ZNF738: variants seen among roughly 807,000 people sequenced by gnomAD.
ZNF738 encodes zinc finger protein 738.
Under a neutral mutation model 9.2 loss-of-function variants are expected in ZNF738, and 10 were observed. That is an observed-to-expected ratio of 1.09 (90% CI 0.67 to 1.85). The LOEUF (loss-of-function observed/expected upper bound fraction) is 1.85, where lower values mean the gene tolerates loss of function less well. Among genes scored for constraint, ZNF738 ranks in the 40% most tolerant of loss-of-function variants. The probability of loss-of-function intolerance (pLI) is 0.00; values close to 1 mark genes in which losing one functional copy is unlikely to be tolerated. For missense variants in ZNF738, 346 were observed against 283.6 expected, an observed-to-expected ratio of 1.22 and a Z score of -1.58; for synonymous variants, 113 against 94.5, an observed-to-expected ratio of 1.20 and a Z score of -1.14.
chr19:21,362,998 T>A (rs1445658386), intron 2 of ZNF738, among the ~76,000 whole-genome samples: 1 of 152,252 alleles, frequency 6.6e-6, no homozygotes, highest in Admixed American at 6.5e-5. Context: ...TGACAGCGAA[T>A]ATCTCTGTTC....
In ZNF738 at chr19:21,375,364, G is replaced by A. The variant is rs563965601; in HGVS notation, c.223G>A (p.Gly75Ser). ...GAACTTCAGAAACCTGGTGTTCTTG[G>A]GTGAGAATAACTTTAATACACAATT... Reference protein sequence around the residue: ...LENFRNLVFLGIDVSKPDLIT... With the variant: ...LENFRNLVFLSIDVSKPDLIT... The change falls in exon 3 of 5, where the codon GGT becomes AGT. Residue 75 changes from glycine (G) to serine (S), a missense_variant and splice_region_variant. Transcript: ENST00000683779. 6 of 833,524 alleles carry A rather than the reference G, an allele frequency of 7.2e-6. No homozygotes were observed. The highest frequency in any genetic ancestry group is 7.2e-5 in the South Asian group (5 of 69,810). 51.6% of individuals were successfully genotyped at this position (833,524 alleles called of 1,614,324 possible).
In ZNF738 at chr19:21,383,048, T is replaced by C; in HGVS notation, c.502T>C (p.Leu168=). The stretch of plus-strand genomic sequence containing the variant: ...AGGTTATAATGAACTAAAAGAGTAT[T>C]TGACAACTACCCAGAGCAAAATATT... ...KEGYNELKEY[L]TTTQSKIFQC... is the part of the protein sequence containing the mutation. The change falls in exon 5 of 5, where the codon TTG becomes CTG. Residue 168 remains leucine, a synonymous_variant. Coordinates refer to ENST00000683779, the MANE Select transcript of ZNF738 (RefSeq NM_001355237.2). 1.0e-6 allele frequency: 1 copy of C among 1,000,342 alleles called. No homozygotes were observed. Among genetic ancestry groups the C allele is most frequent in the Admixed American group, 1.8e-5 (1 of 56,390 alleles). The allele number at this position is 1,000,342 out of a possible 1,614,324, so 62.0% of individuals were successfully genotyped here.
intron 4 of ZNF738, chr19:21,378,316 G>A: frequency 4.1e-6 from 1 of 244,528 alleles, no homozygotes; most frequent in Non-Finnish European, 8.0e-6. Context: ...AAAATAATGT[G>A]TTTTAATATG....
At chr19:21,376,286 T>TG (rs1973926973) in intron 4 of ZNF738, 1 of 194,954 alleles carries the variant, frequency 5.1e-6, no homozygotes, top group African/African-American at 2.4e-5. Context: ...TCCATTGTTT[T>TG]GGGGGACACA....
chr19:21,378,079 G>A, intron 4 of ZNF738: 1 of 397,362 alleles, frequency 2.5e-6, no homozygotes. Context: ...TTTCAGTCTA[G>A]TTAAAAATGA....
chr19:21,359,043 CTG>C lies in ZNF738; in HGVS notation c.-94_-93del. The stretch of plus-strand genomic sequence containing the variant: ...AACTCCGGGTCTCGTCTTCACTGCT[CTG>C]TGTCCTCTGCTCCTAGAGGCCCAGC... On this transcript the variant is annotated 5_prime_UTR_variant, in exon 1 of 5. Coordinates refer to ENST00000683779, the MANE Select transcript of ZNF738 (RefSeq NM_001355237.2). 1 of 820,800 alleles carries C rather than the reference CTG, an allele frequency of 1.2e-6. No individual in the cohort carries two copies. The highest frequency in any genetic ancestry group is 1.3e-5 in the South Asian group (1 of 75,582). 50.8% of individuals were successfully genotyped at this position (820,800 alleles called of 1,614,324 possible). A position where few individuals can be genotyped will look rare whatever the true frequency, so the allele number is the denominator to read the frequency against.
chr19:21,386,196 A>T lies in ZNF738; in HGVS notation c.*2522A>T. ...ACCTACAAACGTGAGGAATGTGGCA[A>T]AGCCTTTAATGGTCCCCTCAACTTT... is the stretch of plus-strand genomic sequence containing the variant. On this transcript the variant is annotated 3_prime_UTR_variant, in exon 5 of 5. Transcript: ENST00000683779. The T allele has an allele frequency of 6.6e-6, 2 of 300,778 alleles. No homozygotes were observed. Among genetic ancestry groups the T allele is most frequent in the Non-Finnish European group, 1.4e-5 (2 of 146,926 alleles). The allele number at this position is 300,778 out of a possible 1,614,324, so 18.6% of individuals were successfully genotyped here.
rs1308883564 is a variant in ZNF738 at position 21,366,180 on chromosome 19, T to C, written c.96+4322T>C. Among the ~76,000 whole-genome samples, 3 of 152,136 alleles carry C rather than the reference T, an allele frequency of 2.0e-5. No homozygotes were observed. The East Asian group carries it at 5.8e-4, about 29-fold the overall frequency. On this transcript the variant is annotated intron_variant, in intron 2 of 4. Coordinates refer to ENST00000683779, the MANE Select transcript of ZNF738 (RefSeq NM_001355237.2). The stretch of plus-strand genomic sequence containing the variant: ...ACACCAGCAAACAGTGCAAGACAGA[T>C]TAATCCAAAAAGAATAGCAATTAAC...
Position 21,385,742 on chromosome 19 carries a change from T to C in ZNF738, c.*2068T>C, listed in dbSNP as rs1336574385. Among the ~76,000 whole-genome samples, 1 of 151,912 alleles carries C rather than the reference T, an allele frequency of 6.6e-6. No homozygotes were observed. Among genetic ancestry groups the C allele is most frequent in the Non-Finnish European group, 1.5e-5 (1 of 67,980 alleles). Reference sequence around the variant, plus strand: ...TACTCAACCCTTACTACACATAAGGTAATTCATGCTGGAGAGATACCCTAC... The same window carrying C: ...TACTCAACCCTTACTACACATAAGGCAATTCATGCTGGAGAGATACCCTAC... On this transcript the variant is annotated 3_prime_UTR_variant, in exon 5 of 5. Coordinates refer to ENST00000683779, the MANE Select transcript of ZNF738 (RefSeq NM_001355237.2).
Position 21,383,449 on chromosome 19 carries a change from A to T in ZNF738, c.903A>T (p.Ser301=). The part of the protein sequence containing the change: ...EKCGKDFKQS[S]HLTKHKTIHA... ...GTGGCAAAGATTTTAAACAGTCCTC[A>T]CACCTTACTAAACATAAGACAATTC... Residue 301 remains serine (S), a synonymous_variant, in exon 5 of 5, where the codon TCA becomes TCT. Coordinates refer to ENST00000683779, the MANE Select transcript of ZNF738 (RefSeq NM_001355237.2). The T allele has an allele frequency of 1.8e-6, 1 of 554,684 alleles. No homozygotes were observed. Among genetic ancestry groups the T allele is most frequent in the Non-Finnish European group, 3.2e-6 (1 of 309,252 alleles). 34.4% of individuals were successfully genotyped at this position (554,684 alleles called of 1,614,324 possible). A position where few individuals can be genotyped will look rare whatever the true frequency, so the allele number is the denominator to read the frequency against.
intron 1 of ZNF738, 131 bp downstream of exon 1, chr19:21,359,274 G>C (rs1973650344): frequency 6.3e-6 from 5 of 790,652 alleles, no homozygotes; most frequent in Middle Eastern, 4.6e-4. Flanking sequence ...TCCTTGCCCA[G>C]CTCGGCCTCA....
rs138287487 is a variant in ZNF738, at chr19:21,368,069, T to C, written c.96+6211T>C. Among the ~76,000 whole-genome samples the C allele has an allele frequency of 1.5e-3, 221 of 152,362 alleles. 3 individuals carry two copies. In the East Asian group the frequency reaches 0.029, roughly 20 times the overall value. ...GAACAAACAGTTCTTTCCAGTTATA[T>C]TGCACTCTTCTGCACGCATGGGTTT... On this transcript the variant is annotated intron_variant, in intron 2 of 4. Coordinates refer to ENST00000683779, the MANE Select transcript of ZNF738 (RefSeq NM_001355237.2).
intron 4 of ZNF738, among the ~76,000 whole-genome samples, chr19:21,381,039 A>T (rs1180749051): frequency 6.6e-6 from 1 of 152,172 alleles, no homozygotes; most frequent in East Asian, 1.9e-4. Flanking sequence ...CTGTCCCCTA[A>T]TGAGAATACA....
Position 21,383,044 on chromosome 19 carries a change from G to C in ZNF738, c.498G>C (p.Glu166Asp). The C allele has an allele frequency of 1.1e-6, 1 of 910,310 alleles. No individual in the cohort carries two copies. The highest frequency in any genetic ancestry group is 1.8e-6 in the Non-Finnish European group (1 of 558,642). The allele number at this position is 910,310 out of a possible 1,614,324, so 56.4% of individuals were successfully genotyped here. ...AAGAAGGTTATAATGAACTAAAAGA[G>C]TATTTGACAACTACCCAGAGCAAAA... ...VQKEGYNELK[E>D]YLTTTQSKIF... The change falls in exon 5 of 5, where the codon GAG (glutamate) becomes GAC (aspartate). Residue 166 changes from glutamate to aspartate, a missense_variant. Physicochemically the swap from Glu to Asp is conservative, Grantham distance 45. Coordinates refer to ENST00000683779, the MANE Select transcript of ZNF738 (RefSeq NM_001355237.2).
At chr19:21,374,659 A>G (rs2562438) in intron 2 of ZNF738, among the ~76,000 whole-genome samples, 144,736 of 152,136 alleles carry the variant, frequency 0.95, 69,111 homozygotes, top group Middle Eastern at 1. Flanking sequence ...GTCTATCTTT[A>G]GAAAATGAAG....
At chr19:21,370,037 C>A (rs776246850) in intron 2 of ZNF738, among the ~76,000 whole-genome samples, 2 of 152,182 alleles carry the variant, frequency 1.3e-5, no homozygotes, top group Non-Finnish European at 2.9e-5. Context: ...TGGTCTTGAA[C>A]TCCTGACCTC....
chr19:21,362,960 A>C (rs529681275), intron 2 of ZNF738, among the ~76,000 whole-genome samples: 1 of 152,302 alleles, frequency 6.6e-6, no homozygotes, highest in South Asian at 2.1e-4. Flanking sequence ...TGAAAACATC[A>C]GTTCCTTTTT....
At chr19:21,361,170 T>C (rs1331582247) in intron 1 of ZNF738, among the ~76,000 whole-genome samples, 1 of 151,348 alleles carries the variant, frequency 6.6e-6, no homozygotes, top group Non-Finnish European at 1.5e-5. Flanking sequence ...GGAGTTTTGC[T>C]CTTGTTGCCC....
chr19:21,387,050 A>G lies in ZNF738; in HGVS notation c.*3376A>G, dbSNP rs1401954078. Reference sequence around the variant, plus strand: ...ACACATAAGATAATTCATACTGGAAAGAAACTCCACAAACCAGAAAGATGC... The same window carrying G: ...ACACATAAGATAATTCATACTGGAAGGAAACTCCACAAACCAGAAAGATGC... On this transcript the variant is annotated 3_prime_UTR_variant, in exon 5 of 5. Transcript: ENST00000683779. The G allele has an allele frequency of 2.0e-5, 3 of 152,664 alleles. No homozygotes were observed. Among genetic ancestry groups the G allele is most frequent in the African/African-American group, 7.2e-5 (3 of 41,382 alleles). 9.5% of individuals were successfully genotyped at this position (152,664 alleles called of 1,614,324 possible). A position where few individuals can be genotyped will look rare whatever the true frequency, so the allele number is the denominator to read the frequency against.
Sources: gnomAD v4.1 joint callset for allele counts (sites outside exome capture counted in the v4.1 genomes callset) on GRCh38, gnomAD v4.1.1 for gene constraint, MANE v1.5 for transcripts, NCBI Gene and HGNC (gene_info 2026-07-23, HGNC 2026-07-21) for gene names.